Variants in GFOD2 observed in about 807,000 individuals in gnomAD.
GFOD2 encodes the protein Gfo/Idh/MocA-like oxidoreductase domain containing 2.
GFOD2 carries 9 observed loss-of-function variants against 24.6 expected under a neutral mutation model. The observed-to-expected ratio is 0.37, with a 90% CI of 0.22 to 0.64. The LOEUF (loss-of-function observed/expected upper bound fraction) is 0.64, where lower values mean the gene tolerates loss of function less well. Ranked by LOEUF, GFOD2 falls within the 30% of genes least tolerant of loss-of-function variation. The probability of loss-of-function intolerance (pLI) is 0.65; values close to 1 mark genes in which losing one functional copy is unlikely to be tolerated. For synonymous variants in GFOD2, 211 were observed against 224.8 expected, an observed-to-expected ratio of 0.94 and a Z score of 0.55; for missense variants, 476 against 532.5, an observed-to-expected ratio of 0.89 and a Z score of 1.04.
chr16:67,698,447 T>C (rs1185034751), intron 1 of GFOD2, among the ~76,000 whole-genome samples: 4 of 152,224 alleles, frequency 2.6e-5, no homozygotes, highest in East Asian at 1.9e-4. Flanking sequence ...CCTTGACTAA[T>C]GCAGGTAAGC....
At chr16:67,706,151 A>G (rs2053437859) in intron 1 of GFOD2, among the ~76,000 whole-genome samples, 1 of 151,600 alleles carries the variant, frequency 6.6e-6, no homozygotes, top group Admixed American at 6.6e-5. Flanking sequence ...TAATTTTCAT[A>G]TTTTTTGTAG....
Position 67,675,656 on chromosome 16 carries a change from G to T in GFOD2, c.657C>A (p.Ser219Arg), listed in dbSNP as rs766334067. The T allele has an allele frequency of 6.2e-7, 1 of 1,613,286 alleles. No homozygotes were observed. Among genetic ancestry groups the T allele is most frequent in the African/African-American group, 1.3e-5 (1 of 75,070 alleles). Residue 219 changes from serine to arginine, a missense_variant, in exon 3 of 3, where the codon AGC becomes AGA. Coordinates refer to ENST00000268797, the MANE Select transcript of GFOD2 (RefSeq NM_030819.4). ...AAIRGIRHVTSDDFCFFQMLM... is the reference protein window; with the variant it reads ...AAIRGIRHVTRDDFCFFQMLM... Reference sequence around the variant, plus strand: ...GCATCTGGAAGAAACAGAAGTCATCGCTAGTGACGTGCCGGATGCCACGGA... The same window carrying T: ...GCATCTGGAAGAAACAGAAGTCATCTCTAGTGACGTGCCGGATGCCACGGA...
chr16:67,717,410 G>A (rs1040777887), intron 1 of GFOD2, among the ~76,000 whole-genome samples: 1 of 152,192 alleles, frequency 6.6e-6, no homozygotes, highest in Admixed American at 6.5e-5. Context: ...TGGGTCAGAG[G>A]AGGCTTTCTA....
At position 67,691,650 on chromosome 16, in the gene GFOD2, AC is replaced by A. The variant is rs374532934; in HGVS notation, c.-87-5849del. Reference sequence around the variant, plus strand: ...TCCTCTGTAAATCTTTTCTGACTGTACCCCCCCAGGAGCTCCTCCCTCTGCA... The same window carrying A: ...TCCTCTGTAAATCTTTTCTGACTGTACCCCCCAGGAGCTCCTCCCTCTGCA... On this transcript the variant is annotated intron_variant, in intron 1 of 2. Transcript: ENST00000268797. 4.0e-3 allele frequency among the ~76,000 whole-genome samples: 599 copies of A among 150,894 alleles called. 5 individuals carry two copies. The highest frequency in any genetic ancestry group is 0.013 in the African/African-American group (546 of 40,950).
chr16:67,707,464 G>C (rs1451169258), intron 1 of GFOD2, among the ~76,000 whole-genome samples: 1 of 151,828 alleles, frequency 6.6e-6, no homozygotes, highest in Non-Finnish European at 1.5e-5. Context: ...AACCACTTTG[G>C]AAAATTGACA....
intron 1 of GFOD2, among the ~76,000 whole-genome samples, chr16:67,691,370 G>C (rs1489293227): frequency 1.3e-5 from 2 of 151,842 alleles, no homozygotes; most frequent in Admixed American, 1.3e-4. Flanking sequence ...ACTGTGCCTG[G>C]CTAATTTTTG....
At position 67,685,493 on chromosome 16, in the gene GFOD2, G is replaced by A. The variant is rs774375730; in HGVS notation, c.223C>T (p.Pro75Ser). 5.6e-6 allele frequency: 9 copies of A among 1,614,056 alleles called. No homozygotes were observed. The highest frequency in any genetic ancestry group is 7.6e-6 in the Non-Finnish European group (9 of 1,180,032). Reference protein sequence around the residue: ...DVDLVCISIPPPLTRQISVKA... With the variant: ...DVDLVCISIPSPLTRQISVKA... Reference sequence around the variant, plus strand: ...ACGGATATCTGCCGGGTGAGTGGAGGGGGGATGCTGATGCACACCAGATCC... The same window carrying A: ...ACGGATATCTGCCGGGTGAGTGGAGAGGGGATGCTGATGCACACCAGATCC... The change falls in exon 2 of 3, where the codon CCT (proline) becomes TCT (serine). Residue 75 changes from proline to serine, a missense_variant. Physicochemically the swap from Pro to Ser is moderately conservative, Grantham distance 74. Transcript: ENST00000268797.
intron 2 of GFOD2, chr16:67,682,915 C>T: frequency 1.3e-6 from 1 of 769,314 alleles, no homozygotes; most frequent in South Asian, 5.9e-5. Flanking sequence ...ACACAGATAG[C>T]TGGATCCCAG....
intron 1 of GFOD2, among the ~76,000 whole-genome samples, chr16:67,690,294 G>A (rs921890412): frequency 6.6e-6 from 1 of 152,038 alleles, no homozygotes; most frequent in Non-Finnish European, 1.5e-5. Context: ...CTCCAACAGC[G>A]TGCAAGACTT....
intron 2 of GFOD2, chr16:67,683,360 T>C (rs999422789): frequency 3.1e-4 from 381 of 1,226,248 alleles, no homozygotes; most frequent in Non-Finnish European, 3.8e-4. Context: ...TCCAGAGTTC[T>C]GGCTCCGGAC....
chr16:67,712,290 C>CCCCTCCCCCTCT (rs1456383250), intron 1 of GFOD2, among the ~76,000 whole-genome samples: 1 of 112,886 alleles, frequency 8.9e-6, no homozygotes, highest in Non-Finnish European at 1.8e-5. Flanking sequence ...CCTCCCCCTC[C>CCCCTCCCCCTCT]CCCTCCCCCT....
At chr16:67,679,392 C>G (rs942889865) in intron 2 of GFOD2, among the ~76,000 whole-genome samples, 3 of 151,752 alleles carry the variant, frequency 2.0e-5, no homozygotes, top group African/African-American at 7.3e-5. Context: ...TGCCACCATG[C>G]CCAGCTAAGT....
At chr16:67,685,302 C>T (rs2053257393) in intron 2 of GFOD2, 155 bp downstream of exon 2, 1 of 1,462,694 alleles carries the variant, frequency 6.8e-7, no homozygotes, top group African/African-American at 1.4e-5. Context: ...TTCATGCCCT[C>T]CCCAAGCACT....
chr16:67,685,950 T>A (rs2053263275), intron 1 of GFOD2, 148 bp from the exon 2 acceptor site: 1 of 518,840 alleles, frequency 1.9e-6, no homozygotes, highest in Non-Finnish European at 3.4e-6. Context: ...AAGTAACAAG[T>A]TCTCTGCCAG....
At chr16:67,693,366 C>CCT (rs1432434195) in intron 1 of GFOD2, among the ~76,000 whole-genome samples, 2 of 152,038 alleles carry the variant, frequency 1.3e-5, no homozygotes, top group African/African-American at 2.4e-5. Context: ...GCAACCTCCG[C>CCT]CTCCTGGGTT....
At chr16:67,683,296 C>T in intron 2 of GFOD2, 1 of 1,193,358 alleles carries the variant, frequency 8.4e-7, no homozygotes, top group Non-Finnish European at 1.0e-6. Context: ...TCCCGTATAG[C>T]TTGGAAATGG....
chr16:67,682,175 C>G (rs2053230664), intron 2 of GFOD2: 1 of 200,734 alleles, frequency 5.0e-6, no homozygotes, highest in Non-Finnish European at 8.9e-6. Flanking sequence ...GTAGCTGGGA[C>G]TATAGGCACG....
At chr16:67,703,068 C>T (rs2053415094) in intron 1 of GFOD2, among the ~76,000 whole-genome samples, 1 of 152,272 alleles carries the variant, frequency 6.6e-6, no homozygotes, top group Non-Finnish European at 1.5e-5. Context: ...TCTTTCCTGA[C>T]AAGTCTTTAT....
chr16:67,690,663 A>C (rs1012714768), intron 1 of GFOD2, among the ~76,000 whole-genome samples: 1 of 152,184 alleles, frequency 6.6e-6, no homozygotes, highest in Admixed American at 6.6e-5. Context: ...CTACATTTGG[A>C]GTCATAACAA....
Sources: gnomAD v4.1 joint callset for allele counts (sites outside exome capture counted in the v4.1 genomes callset) on GRCh38, gnomAD v4.1.1 for gene constraint, MANE v1.5 for transcripts, NCBI Gene and HGNC (gene_info 2026-07-23, HGNC 2026-07-21) for gene names.